Variants in RECQL observed in about 807,000 individuals in gnomAD.
The protein encoded by RECQL is RecQ like helicase.
Under a neutral mutation model 75.8 loss-of-function variants are expected in RECQL, and 73 were observed. The observed-to-expected ratio is 0.96, with a 90% CI of 0.80 to 1.17. RECQL has a LOEUF of 1.17. RECQL is among the 50% of genes most tolerant of loss of function. The probability of loss-of-function intolerance (pLI) is 0.00; values close to 1 mark genes in which losing one functional copy is unlikely to be tolerated. For synonymous variants in RECQL, 248 were observed against 254.4 expected (o/e 0.97, Z 0.24); for missense variants, 699 against 772.1 (o/e 0.91, Z 1.12).
chr12:21,475,980 GTATAATTCCAGATT>G (rs1435106490), intron 8 of RECQL, among the ~76,000 whole-genome samples, 156 bp from the exon 9 acceptor site: 1 of 151,954 alleles, frequency 6.6e-6, no homozygotes, highest in Non-Finnish European at 1.5e-5. Context: ...TGACATTTTG[GTATAATTCCAGATT>G]TGAGCACCAG....
intron 6 of RECQL, 54 bp downstream of exon 6, chr12:21,483,322 G>T: frequency 8.6e-7 from 1 of 1,156,832 alleles, no homozygotes; most frequent in South Asian, 1.4e-5. Context: ...ATGCCAAGCT[G>T]AGTAAGGACA....
intron 2 of RECQL, among the ~76,000 whole-genome samples, chr12:21,496,359 T>C (rs757791899): frequency 2.0e-4 from 31 of 152,256 alleles, no homozygotes; most frequent in Non-Finnish European, 1.3e-4. Flanking sequence ...TCCATACCCA[T>C]GTACCTGTTA....
chr12:21,483,452 A>G lies in RECQL; in HGVS notation c.624T>C (p.Tyr208=), dbSNP rs750840235. ...KMFMSRLEKA[Y]EARRFTRIAV... ...CAATTCGAGTAAATCTCCTTGCTTC[A>G]TAGGCTTTCTCTAGTCTTGACATAA... The change falls in exon 6 of 15, where the codon TAT becomes TAC. Residue 208 remains tyrosine (Y), a synonymous_variant. Coordinates refer to ENST00000444129, the MANE Select transcript of RECQL (RefSeq NM_002907.4). 6.2e-7 allele frequency: 1 copy of G among 1,606,350 alleles called. No individual in the cohort carries two copies. Among genetic ancestry groups the G allele is most frequent in the Non-Finnish European group, 8.5e-7 (1 of 1,177,852 alleles).
intron 6 of RECQL, among the ~76,000 whole-genome samples, chr12:21,479,625 T>C (rs1943155500): frequency 6.6e-6 from 1 of 152,178 alleles, no homozygotes; most frequent in South Asian, 2.1e-4. Context: ...AGTGCTGGGA[T>C]TACAGGCGTG....
intron 11 of RECQL, among the ~76,000 whole-genome samples, chr12:21,473,862 C>T (rs1389219915): frequency 6.6e-6 from 1 of 152,054 alleles, no homozygotes; most frequent in African/African-American, 2.4e-5. Flanking sequence ...GTGTCAGGTT[C>T]TTCTCACATC....
intron 6 of RECQL, 39 bp downstream of exon 6, chr12:21,483,337 C>T: frequency 7.3e-7 from 1 of 1,375,508 alleles, no homozygotes; most frequent in Non-Finnish European, 1.0e-6. Context: ...AGGACACGGT[C>T]TATGACATCA....
At position 21,474,822 on chromosome 12, in the gene RECQL, A is replaced by G; in HGVS notation, c.1355+19T>C. The G allele has an allele frequency of 6.2e-7, 1 of 1,607,048 alleles. No homozygotes were observed. Among genetic ancestry groups the G allele is most frequent in the Non-Finnish European group, 8.5e-7 (1 of 1,174,960 alleles). The stretch of plus-strand genomic sequence containing the variant: ...ATTTGCTTTAATTGATAAAAGTTAT[A>G]AAAAGGTATGTGGCTTACTTGCTTA... On this transcript the variant is annotated intron_variant, in intron 11 of 14. Coordinates refer to ENST00000444129, the MANE Select transcript of RECQL (RefSeq NM_002907.4).
intron 1 of RECQL, among the ~76,000 whole-genome samples, 162 bp from the exon 2 acceptor site, chr12:21,499,777 C>CCA (rs1943572729): frequency 6.6e-6 from 1 of 152,176 alleles, no homozygotes; most frequent in African/African-American, 2.4e-5. Context: ...TCTTTTGACA[C>CCA]TAATTTTTTA....
At position 21,501,530 on chromosome 12, in the gene RECQL, C is replaced by CGATCTCCGACTCTCG. The variant is rs200277977; in HGVS notation, c.-421_-407dup. ...TCCGACTGTCCTGTGTCCGACTCTC[C>CGATCTCCGACTCTCG]GATCTCCGACTCTCGGATCTCCGAC... On this transcript the variant is annotated 5_prime_UTR_variant, in exon 1 of 15. Coordinates refer to ENST00000444129, the MANE Select transcript of RECQL (RefSeq NM_002907.4). 6.0e-5 allele frequency: 14 copies of CGATCTCCGACTCTCG among 232,118 alleles called. No individual in the cohort carries two copies. Among genetic ancestry groups the CGATCTCCGACTCTCG allele is most frequent in the African/African-American group, 1.8e-4 (8 of 43,604 alleles). 14.4% of individuals were successfully genotyped at this position (232,118 alleles called of 1,614,324 possible). A position where few individuals can be genotyped will look rare whatever the true frequency, so the allele number is the denominator to read the frequency against.
chr12:21,501,055 TC>T (rs1468414517), intron 1 of RECQL, 114 bp downstream of exon 1: 1 of 152,102 alleles, frequency 6.6e-6, no homozygotes, highest in African/African-American at 2.4e-5. Flanking sequence ...ATAGGCTAAA[TC>T]CTCTCTCTCC....
chr12:21,488,231 A>C (rs1338512735), intron 4 of RECQL, among the ~76,000 whole-genome samples: 1 of 152,172 alleles, frequency 6.6e-6, no homozygotes, highest in Non-Finnish European at 1.5e-5. Context: ...AACAGACATC[A>C]CTATTAACTA....
At position 21,498,746 on chromosome 12, in the gene RECQL, T is replaced by C. The variant is rs373615003; in HGVS notation, c.16+809A>G. ...AATTGAAAACTATAATAACCAAATA[T>C]AGGAAACTACTAAGGCAAGTAGTCC... On this transcript the variant is annotated intron_variant, in intron 2 of 14. Coordinates refer to ENST00000444129, the MANE Select transcript of RECQL (RefSeq NM_002907.4). 4.6e-5 allele frequency among the ~76,000 whole-genome samples: 7 copies of C among 152,216 alleles called. No individual in the cohort carries two copies. The East Asian group carries it at 7.7e-4, about 17-fold the overall frequency.
At position 21,474,889 on chromosome 12, in the gene RECQL, C is replaced by T. The variant is rs776706951; in HGVS notation, c.1307G>A (p.Gly436Glu). 1.9e-6 allele frequency: 3 copies of T among 1,613,150 alleles called. No homozygotes were observed. In the Admixed American group the frequency reaches 5.0e-5, roughly 27 times the overall value. ...TACCATCTCATAAAGCTTCTGCTGTCCCACATTTTCCATCACCACCATTGA... is the reference window on the plus strand; with the variant it reads ...TACCATCTCATAAAGCTTCTGCTGTTCCACATTTTCCATCACCACCATTGA... ...ISSMVVMENVGQQKLYEMVSY... is the reference protein window; with the variant it reads ...ISSMVVMENVEQQKLYEMVSY... The change falls in exon 11 of 15, where the codon GGA (glycine) becomes GAA (glutamate). Residue 436 changes from glycine (G) to glutamate (E), a missense_variant. Gly to Glu is a moderately conservative substitution (Grantham distance 98, BLOSUM62 -2). Transcript: ENST00000444129.
intron 6 of RECQL, among the ~76,000 whole-genome samples, chr12:21,481,692 A>G (rs963308780): frequency 2.6e-5 from 4 of 152,200 alleles, no homozygotes; most frequent in African/African-American, 9.7e-5. Context: ...TCTTCGGGCT[A>G]CAAGCTCACT....
intron 4 of RECQL, among the ~76,000 whole-genome samples, chr12:21,487,872 G>T (rs534207885): frequency 1.3e-5 from 2 of 152,144 alleles, no homozygotes; most frequent in Admixed American, 6.5e-5. Context: ...TCTAGACACC[G>T]AAATCTATTA....
At chr12:21,479,511 C>G (rs111853518) in intron 6 of RECQL, among the ~76,000 whole-genome samples, 1 of 152,006 alleles carries the variant, frequency 6.6e-6, no homozygotes, top group Non-Finnish European at 1.5e-5. Flanking sequence ...CACCGCCACA[C>G]CTGGCTAATT....
intron 4 of RECQL, 127 bp downstream of exon 4, chr12:21,490,072 G>T: frequency 2.1e-6 from 1 of 481,626 alleles, no homozygotes; most frequent in Non-Finnish European, 3.5e-6. Context: ...TATTAATATA[G>T]AAGAAATCAA....
Position 21,501,530 on chromosome 12 carries a change from CGATCTCCGACTCTCG to C in RECQL, c.-421_-407del, listed in dbSNP as rs200277977. 2,505 of 232,214 alleles carry C rather than the reference CGATCTCCGACTCTCG, an allele frequency of 0.011. 79 individuals are homozygous for C. The highest frequency in any genetic ancestry group is 0.053 in the African/African-American group (2,305 of 43,706). The allele number at this position is 232,214 out of a possible 1,614,324, so 14.4% of individuals were successfully genotyped here. A position where few individuals can be genotyped will look rare whatever the true frequency, so the allele number is the denominator to read the frequency against. On this transcript the variant is annotated 5_prime_UTR_variant, in exon 1 of 15. Transcript: ENST00000444129. ...TCCGACTGTCCTGTGTCCGACTCTC[CGATCTCCGACTCTCG>C]GATCTCCGACACCAAAGCACCCAGG...
chr12:21,499,463 T>C, intron 2 of RECQL, 92 bp downstream of exon 2: 1 of 1,205,196 alleles, frequency 8.3e-7, no homozygotes, highest in East Asian at 2.4e-5. Flanking sequence ...AAATCATTTC[T>C]ATAATCAGAA....
Sources: allele counts gnomAD v4.1 joint callset (sites outside exome capture counted in the v4.1 genomes callset), GRCh38; gene constraint gnomAD v4.1.1; transcripts MANE v1.5; gene names NCBI Gene and HGNC (gene_info 2026-07-23, HGNC 2026-07-21).